Variants in SPOCK3 observed in about 807,000 individuals in gnomAD.
SPOCK3 encodes the protein SPARC (osteonectin), cwcv and kazal like domains proteoglycan 3.
SPOCK3 carries 30 observed loss-of-function variants against 56.6 expected under a neutral mutation model. That is an observed-to-expected ratio of 0.53 (90% CI 0.40 to 0.72). The LOEUF (loss-of-function observed/expected upper bound fraction) is 0.72, where lower values mean the gene tolerates loss of function less well. Among genes scored for constraint, SPOCK3 ranks in the 30% least tolerant of loss-of-function variants. The probability of loss-of-function intolerance (pLI) is 0.00; values close to 1 mark genes in which losing one functional copy is unlikely to be tolerated. For missense variants in SPOCK3, 527 were observed against 530.0 expected (o/e 0.99, Z 0.06); for synonymous variants, 196 against 183.3 (o/e 1.07, Z -0.56).
At chr4:166,970,297 T>C (rs143796916) in intron 4 of SPOCK3, among the ~76,000 whole-genome samples, 2 of 152,280 alleles carry the variant, frequency 1.3e-5, no homozygotes, top group African/African-American at 2.4e-5. Context: ...TCCTTACCTA[T>C]AATGTTCAGA....
chr4:167,001,027 T>C (rs2150128714), intron 3 of SPOCK3, among the ~76,000 whole-genome samples: 1 of 152,296 alleles, frequency 6.6e-6, no homozygotes, highest in Non-Finnish European at 1.5e-5. Flanking sequence ...GTGCATAATA[T>C]TTGGACCACC....
chr4:167,168,825 C>G (rs1730235627), intron 2 of SPOCK3, among the ~76,000 whole-genome samples: 1 of 152,032 alleles, frequency 6.6e-6, no homozygotes, highest in African/African-American at 2.4e-5. Flanking sequence ...GCCACAGGCC[C>G]AGAGGCATAG....
At chr4:167,081,065 G>T (rs1757665338) in intron 2 of SPOCK3, among the ~76,000 whole-genome samples, 2 of 151,690 alleles carry the variant, frequency 1.3e-5, no homozygotes. Flanking sequence ...ATTCTTCAAA[G>T]AATGCTTCTT....
intron 9 of SPOCK3, among the ~76,000 whole-genome samples, chr4:166,738,039 T>C (rs1444354780): frequency 1.3e-5 from 2 of 152,218 alleles, no homozygotes; most frequent in African/African-American, 2.4e-5. Flanking sequence ...TTCATTCCTA[T>C]ATTCCAAGTT....
rs578164771 is a variant in SPOCK3 at position 166,952,586 on chromosome 4, T to C, written c.351-39843A>G. On this transcript the variant is annotated intron_variant, in intron 4 of 10. Transcript: ENST00000357545. ...TTCACAGAATTGGAAAAAACTACTT[T>C]AAAGTTCATATGGAACCAAAAAAGA... Among the ~76,000 whole-genome samples, 107 of 152,224 alleles carry C rather than the reference T, an allele frequency of 7.0e-4. 1 individual carries two copies. Among genetic ancestry groups the C allele is most frequent in the African/African-American group, 2.6e-3 (107 of 41,534 alleles).
chr4:166,777,456 C>T (rs528704848), intron 7 of SPOCK3, among the ~76,000 whole-genome samples: 1 of 152,196 alleles, frequency 6.6e-6, no homozygotes, highest in South Asian at 2.1e-4. Flanking sequence ...GAGAGATTGA[C>T]TGGGAGATTA....
chr4:166,954,085 A>T (rs1013757064), intron 4 of SPOCK3, among the ~76,000 whole-genome samples: 20 of 126,292 alleles, frequency 1.6e-4, no homozygotes, highest in Non-Finnish European at 2.4e-4. Context: ...AAAGTATAAT[A>T]AAAAAAAAGA....
chr4:166,816,870 G>C (rs55734645), intron 6 of SPOCK3, among the ~76,000 whole-genome samples: 47,336 of 151,772 alleles, frequency 0.31, 8,130 homozygotes, highest in East Asian at 0.72. Flanking sequence ...AGAGGTCGAG[G>C]GCCCAGTGCA....
intron 4 of SPOCK3, among the ~76,000 whole-genome samples, chr4:166,994,501 G>A (rs555257366): frequency 6.6e-6 from 1 of 152,208 alleles, no homozygotes; most frequent in South Asian, 2.1e-4. Flanking sequence ...AATCTGCAAT[G>A]TGCCATTGGG....
At chr4:167,120,030 C>T (rs1761737637) in intron 2 of SPOCK3, among the ~76,000 whole-genome samples, 3 of 152,052 alleles carry the variant, frequency 2.0e-5, no homozygotes, top group Admixed American at 1.3e-4. Flanking sequence ...AAATTACATA[C>T]ATGGTAGATT....
chr4:166,874,195 T>G (rs1049324288), intron 6 of SPOCK3, among the ~76,000 whole-genome samples: 2 of 152,096 alleles, frequency 1.3e-5, no homozygotes, highest in Non-Finnish European at 2.9e-5. Flanking sequence ...AGCTTGGCGT[T>G]CCTCAGCTAA....
intron 2 of SPOCK3, among the ~76,000 whole-genome samples, chr4:167,118,744 G>GA (rs373929027): frequency 5.3e-5 from 8 of 151,640 alleles, no homozygotes; most frequent in East Asian, 1.9e-4. Flanking sequence ...TTTTCTACAG[G>GA]AAAAAAAAGA....
chr4:166,988,607 T>C (rs948448167), intron 4 of SPOCK3, among the ~76,000 whole-genome samples: 2 of 152,080 alleles, frequency 1.3e-5, no homozygotes, highest in Non-Finnish European at 2.9e-5. Context: ...TAAACAGCTG[T>C]GTGACTCTGG....
intron 4 of SPOCK3, among the ~76,000 whole-genome samples, chr4:166,948,271 T>A (rs1433598857): frequency 2.0e-5 from 3 of 152,208 alleles, no homozygotes; most frequent in African/African-American, 4.8e-5. Flanking sequence ...GATGAACACC[T>A]AGATTGATTC....
intron 2 of SPOCK3, among the ~76,000 whole-genome samples, chr4:167,142,055 A>T (rs1290206841): frequency 1.3e-5 from 2 of 152,004 alleles, no homozygotes; most frequent in Non-Finnish European, 2.9e-5. Context: ...AGAGTTTTTT[A>T]CCCTGCCAAA....
At chr4:166,752,824 A>G (rs17052580) in intron 8 of SPOCK3, among the ~76,000 whole-genome samples, 4,791 of 152,106 alleles carry the variant, frequency 0.031, 284 homozygotes, top group African/African-American at 0.11. Context: ...CAATTAAAGT[A>G]ATGAAATGTT....
chr4:167,116,200 TAC>T, intron 2 of SPOCK3, among the ~76,000 whole-genome samples: 1 of 151,810 alleles, frequency 6.6e-6, no homozygotes, highest in South Asian at 2.1e-4. Context: ...TACAGACACA[TAC>T]ACACACCCCA....
At chr4:167,078,918 T>G (rs1757461370) in intron 2 of SPOCK3, among the ~76,000 whole-genome samples, 1 of 151,952 alleles carries the variant, frequency 6.6e-6, no homozygotes, top group Non-Finnish European at 1.5e-5. Context: ...GCTTAGAGTC[T>G]GACTCTGGGG....
At chr4:167,078,779 C>G (rs529872832) in intron 2 of SPOCK3, among the ~76,000 whole-genome samples, 2 of 151,832 alleles carry the variant, frequency 1.3e-5, no homozygotes, top group South Asian at 4.1e-4. Context: ...AAGTAGCAAT[C>G]TGCTACGGAA....
Sources: gnomAD v4.1 joint callset for allele counts (sites outside exome capture counted in the v4.1 genomes callset) on GRCh38, gnomAD v4.1.1 for gene constraint, MANE v1.5 for transcripts, NCBI Gene and HGNC (gene_info 2026-07-23, HGNC 2026-07-21) for gene names.